The following UBA2 variants were observed in gnomAD, a reference collection of about 807,000 sequenced individuals.
UBA2 encodes the protein ubiquitin like modifier activating enzyme 2.
Under a neutral mutation model 77.2 loss-of-function variants are expected in UBA2, and 11 were observed. That is an observed-to-expected ratio of 0.14 (90% CI 0.09 to 0.24). The LOEUF is 0.24. Among genes scored for constraint, UBA2 ranks in the 10% least tolerant of loss-of-function variants. The pLI, the probability that UBA2 is intolerant of heterozygous loss-of-function variation, is 1.00. For missense variants in UBA2, 487 were observed against 781.7 expected, an observed-to-expected ratio of 0.62 and a Z score of 4.50; for synonymous variants, 278 against 276.7, an observed-to-expected ratio of 1.00 and a Z score of -0.05.
intron 14 of UBA2, among the ~76,000 whole-genome samples, chr19:34,460,912 T>C (rs2075623877): frequency 6.6e-6 from 1 of 152,084 alleles, no homozygotes; most frequent in African/African-American, 2.4e-5. Flanking sequence ...TCTCCAAGAG[T>C]GGGGAAGCCT....
At position 34,433,344 on chromosome 19, in the gene UBA2, G is replaced by T. The variant is rs1305941257; in HGVS notation, c.294-4G>T. 3.1e-6 allele frequency: 5 copies of T among 1,608,426 alleles called. No individual in the cohort carries two copies. The South Asian group carries it at 3.3e-5, about 11-fold the overall frequency. On this transcript the variant is annotated splice_polypyrimidine_tract_variant and splice_region_variant and intron_variant, in intron 3 of 16. Transcript: ENST00000246548. The stretch of plus-strand genomic sequence containing the variant: ...TGGTGACCTTTTTTTATTTTGTTTT[G>T]TAGCCCTGACTATAATGTGGAATTT...
rs190414638 is a variant in UBA2 at position 34,441,090 on chromosome 19, A to T, written c.581+2324A>T. On this transcript the variant is annotated intron_variant, in intron 6 of 16. Coordinates refer to ENST00000246548, the MANE Select transcript of UBA2 (RefSeq NM_005499.3). ...TAAAGATAAACTATATAGTTTTCAT[A>T]GATACAGAGAAAGCATTTGGTAAAA... Among the ~76,000 whole-genome samples, 217 of 152,312 alleles carry T rather than the reference A, an allele frequency of 1.4e-3. 5 individuals are homozygous for T. The highest frequency in any genetic ancestry group is 4.9e-3 in the African/African-American group (205 of 41,570).
intron 5 of UBA2, 104 bp from the exon 6 acceptor site, chr19:34,438,541 G>T (rs573569263): frequency 7.1e-7 from 1 of 1,403,648 alleles, no homozygotes; most frequent in East Asian, 2.4e-5. Flanking sequence ...CCTTGACAAC[G>T]TAAAACGTAG....
chr19:34,447,637 A>T (rs1375962706), intron 8 of UBA2, among the ~76,000 whole-genome samples: 1 of 152,256 alleles, frequency 6.6e-6, no homozygotes, highest in African/African-American at 2.4e-5. Context: ...AACAAGACAG[A>T]AGACAGAGTC....
At chr19:34,449,795 G>A (rs138543970) in intron 8 of UBA2, among the ~76,000 whole-genome samples, 1 of 152,296 alleles carries the variant, frequency 6.6e-6, no homozygotes, top group South Asian at 2.1e-4. Context: ...AAGTTCTGTT[G>A]TGAAGCACTT....
intron 15 of UBA2, among the ~76,000 whole-genome samples, chr19:34,466,343 A>G (rs1229221535): frequency 6.6e-6 from 1 of 152,220 alleles, no homozygotes; most frequent in Non-Finnish European, 1.5e-5. Flanking sequence ...CTCGAAAAAA[A>G]GAAAAAGATC....
intron 7 of UBA2, 133 bp downstream of exon 7, chr19:34,444,044 G>GTTTT (rs35028159): frequency 6.4e-4 from 112 of 175,708 alleles, no homozygotes; most frequent in Middle Eastern, 5.4e-3. Flanking sequence ...TTTTTTTTTT[G>GTTTT]TTTTTTTTTT....
chr19:34,462,682 T>C (rs991439925), intron 14 of UBA2, among the ~76,000 whole-genome samples: 1 of 151,976 alleles, frequency 6.6e-6, no homozygotes, highest in Non-Finnish European at 1.5e-5. Flanking sequence ...TATAGAAAAT[T>C]GGGCTTGGTG....
chr19:34,454,224 T>C, intron 10 of UBA2, 36 bp from the exon 11 acceptor site: 2 of 1,521,054 alleles, frequency 1.3e-6, no homozygotes, highest in African/African-American at 2.8e-5. Context: ...AGTCAATTTG[T>C]GGAGAAACTT....
At chr19:34,446,835 A>G (rs957539361) in intron 8 of UBA2, among the ~76,000 whole-genome samples, 1 of 151,682 alleles carries the variant, frequency 6.6e-6, no homozygotes, top group Admixed American at 6.6e-5. Flanking sequence ...TCGAACTCCT[A>G]CCTCAGGTGA....
Position 34,441,543 on chromosome 19 carries a change from T to G in UBA2, c.582-2301T>G, listed in dbSNP as rs149114359. On this transcript the variant is annotated intron_variant, in intron 6 of 16. Coordinates refer to ENST00000246548, the MANE Select transcript of UBA2 (RefSeq NM_005499.3). Reference sequence around the variant, plus strand: ...AATGTTCTCAACCCGATAAAGGGTATTTTGTAGAAACCTTCAGCAAACATT... The same window carrying G: ...AATGTTCTCAACCCGATAAAGGGTAGTTTGTAGAAACCTTCAGCAAACATT... 3.7e-4 allele frequency among the ~76,000 whole-genome samples: 57 copies of G among 152,340 alleles called. No individual in the cohort carries two copies. In the East Asian group the frequency reaches 9.3e-3, roughly 25 times the overall value.
chr19:34,438,045 C>T lies in UBA2; in HGVS notation c.460-600C>T, dbSNP rs148068116. ...CAGCCAGGGTGACAGAGCAAGACTC[C>T]GTCTCCCCACCGCCAAAAAGAAACG... On this transcript the variant is annotated intron_variant, in intron 5 of 16. Coordinates refer to ENST00000246548, the MANE Select transcript of UBA2 (RefSeq NM_005499.3). 1.3e-3 allele frequency among the ~76,000 whole-genome samples: 199 copies of T among 152,044 alleles called. 1 individual carries two copies. Among genetic ancestry groups the T allele is most frequent in the African/African-American group, 4.1e-3 (172 of 41,460 alleles).
chr19:34,454,206 T>C, intron 10 of UBA2, 54 bp from the exon 11 acceptor site: 1 of 1,437,534 alleles, frequency 7.0e-7, no homozygotes, highest in Non-Finnish European at 9.7e-7. Context: ...AAAGTAATGC[T>C]TCAAAATAGT....
chr19:34,453,853 G>A (rs1008645009), intron 10 of UBA2, among the ~76,000 whole-genome samples: 11 of 152,224 alleles, frequency 7.2e-5, no homozygotes, highest in African/African-American at 1.4e-4. Flanking sequence ...TAAATTGCTC[G>A]TCTTTTGGCC....
In UBA2 at chr19:34,458,048, A is replaced by G. The variant is rs555682625; in HGVS notation, c.1246-721A>G. ...TGAAAGGCACTATCGTTAACTGGAG[A>G]AATTAATGTGTTGGTCTTGTCAGGA... On this transcript the variant is annotated intron_variant, in intron 12 of 16. Transcript: ENST00000246548. 1.2e-4 allele frequency among the ~76,000 whole-genome samples: 19 copies of G among 152,248 alleles called. No homozygotes were observed. In the East Asian group the frequency reaches 3.7e-3, roughly 29 times the overall value.
At chr19:34,444,226 T>A (rs1225264062) in intron 7 of UBA2, among the ~76,000 whole-genome samples, 1 of 151,958 alleles carries the variant, frequency 6.6e-6, no homozygotes. Context: ...CCCAGCTAAT[T>A]TTTGTATATT....
chr19:34,428,749 G>T, intron 1 of UBA2, 179 bp downstream of exon 1: 1 of 1,142,278 alleles, frequency 8.8e-7, no homozygotes, highest in South Asian at 4.6e-5. Flanking sequence ...ACTGTTCTTT[G>T]GGCACGGGGC....
chr19:34,447,591 C>T (rs1348169734), intron 8 of UBA2, among the ~76,000 whole-genome samples: 3 of 152,170 alleles, frequency 2.0e-5, no homozygotes, highest in Non-Finnish European at 4.4e-5. Context: ...CTGCTGTGTG[C>T]CAGACACCTC....
At chr19:34,437,776 G>T (rs1325238712) in intron 5 of UBA2, among the ~76,000 whole-genome samples, 1 of 152,044 alleles carries the variant, frequency 6.6e-6, no homozygotes. Context: ...AAAATGGGCT[G>T]GGCGCAGTGG....
Sources: allele counts gnomAD v4.1 joint callset (sites outside exome capture counted in the v4.1 genomes callset), GRCh38; gene constraint gnomAD v4.1.1; transcripts MANE v1.5; gene names NCBI Gene and HGNC (gene_info 2026-07-23, HGNC 2026-07-21).